The following ELAPOR1 variants were observed in gnomAD, a reference collection of about 807,000 sequenced individuals.
ELAPOR1 encodes endosome/lysosome-associated apoptosis and autophagy regulator 1.
A neutral mutation model predicts 119.7 loss-of-function variants in ELAPOR1; 77 were observed. The observed-to-expected ratio is 0.64, with a 90% CI of 0.54 to 0.78. The LOEUF (loss-of-function observed/expected upper bound fraction) is 0.78. ELAPOR1 is among the 30% of genes least tolerant of loss of function. The pLI, the probability that ELAPOR1 is intolerant of heterozygous loss-of-function variation, is 0.00. For missense variants in ELAPOR1, 1,115 were observed against 1,270.4 expected, an observed-to-expected ratio of 0.88 and a Z score of 1.86; for synonymous variants, 481 against 487.2, an observed-to-expected ratio of 0.99 and a Z score of 0.17.
intron 2 of ELAPOR1, among the ~76,000 whole-genome samples, chr1:109,162,748 A>G (rs1295798478): frequency 6.6e-6 from 1 of 152,258 alleles, no homozygotes; most frequent in East Asian, 1.9e-4. Flanking sequence ...AAGTGAGCAA[A>G]TAAATACTTG....
intron 1 of ELAPOR1, among the ~76,000 whole-genome samples, chr1:109,136,952 G>A (rs1230208621): frequency 2.0e-5 from 3 of 152,156 alleles, no homozygotes; most frequent in East Asian, 1.9e-4. Context: ...CCCCATATCC[G>A]TTGTGGAGGA....
At chr1:109,188,037 A>C (rs1486574035) in intron 8 of ELAPOR1, 140 bp from the exon 9 acceptor site, 1 of 1,427,876 alleles carries the variant, frequency 7.0e-7, no homozygotes, top group Non-Finnish European at 9.2e-7. Flanking sequence ...TCCGTGAGCC[A>C]CACAAAGTTC....
At chr1:109,188,980 T>A (rs1653245434) in intron 9 of ELAPOR1, 86 bp from the exon 10 acceptor site, 1 of 1,540,948 alleles carries the variant, frequency 6.5e-7, no homozygotes. Context: ...CCGCTACTGT[T>A]GCAACTTGTC....
intron 7 of ELAPOR1, among the ~76,000 whole-genome samples, chr1:109,180,104 T>C (rs1318416695): frequency 6.6e-6 from 1 of 152,140 alleles, no homozygotes; most frequent in Non-Finnish European, 1.5e-5. Context: ...CACAGGAGCA[T>C]TGTGAAGGAC....
intron 3 of ELAPOR1, among the ~76,000 whole-genome samples, chr1:109,171,628 A>G (rs1368706520): frequency 6.6e-6 from 1 of 152,008 alleles, no homozygotes; most frequent in Non-Finnish European, 1.5e-5. Context: ...ATGTGGAGGC[A>G]TGCCTGCTTG....
intron 15 of ELAPOR1, among the ~76,000 whole-genome samples, chr1:109,196,491 T>G (rs1570727726): frequency 6.6e-6 from 1 of 152,184 alleles, no homozygotes. Flanking sequence ...GTGGGGAATT[T>G]GGGGAAATGG....
chr1:109,186,025 A>G (rs1348387661), intron 8 of ELAPOR1, among the ~76,000 whole-genome samples: 1 of 152,022 alleles, frequency 6.6e-6, no homozygotes, highest in Non-Finnish European at 1.5e-5. Context: ...GAGAGATAAT[A>G]GACAACAAAT....
chr1:109,138,342 T>C (rs1050595006), intron 1 of ELAPOR1, among the ~76,000 whole-genome samples: 3 of 152,182 alleles, frequency 2.0e-5, no homozygotes, highest in Admixed American at 2.0e-4. Context: ...TTTTATTCGG[T>C]GTTTCCTTCA....
rs145712038 is a variant in ELAPOR1, at chr1:109,157,764, T to C, written c.154-4130T>C. ...TCCCTAGGACTCTCCTCCACCTGAA[T>C]TGTGGACCACATCTCTGTCATCAGC... On this transcript the variant is annotated intron_variant, in intron 1 of 21. Coordinates refer to ENST00000369939, the MANE Select transcript of ELAPOR1 (RefSeq NM_020775.5). Among the ~76,000 whole-genome samples, 248 of 152,330 alleles carry C rather than the reference T, an allele frequency of 1.6e-3. 4 individuals carry two copies. Among genetic ancestry groups the C allele is most frequent in the Non-Finnish European group, 2.3e-3 (157 of 68,018 alleles).
intron 3 of ELAPOR1, among the ~76,000 whole-genome samples, chr1:109,170,156 T>C (rs1651838905): frequency 6.6e-6 from 1 of 152,166 alleles, no homozygotes; most frequent in East Asian, 1.9e-4. Flanking sequence ...AGTATGTTGT[T>C]TAGAGATACA....
intron 1 of ELAPOR1, among the ~76,000 whole-genome samples, chr1:109,139,762 AT>A (rs1649710374): frequency 6.6e-6 from 1 of 152,018 alleles, no homozygotes; most frequent in Non-Finnish European, 1.5e-5. Flanking sequence ...TTATGTGTAT[AT>A]TTATAGCATT....
At chr1:109,124,150 C>T (rs930488371) in intron 1 of ELAPOR1, among the ~76,000 whole-genome samples, 1 of 152,156 alleles carries the variant, frequency 6.6e-6, no homozygotes, top group Admixed American at 6.5e-5. Context: ...CATGCTCTTT[C>T]ATAACCTACT....
chr1:109,166,912 A>AT (rs1282996921), intron 3 of ELAPOR1, among the ~76,000 whole-genome samples: 3 of 152,186 alleles, frequency 2.0e-5, no homozygotes, highest in Non-Finnish European at 4.4e-5. Flanking sequence ...ATTTCTAAAA[A>AT]CCGGGAGCAA....
At chr1:109,202,772 G>A (rs1318565933) in intron 21 of ELAPOR1, 172 bp from the exon 22 acceptor site, 1 of 717,882 alleles carries the variant, frequency 1.4e-6, no homozygotes, top group East Asian at 2.6e-5. Context: ...TTCTCCAACT[G>A]ACCCTGAAGG....
rs543804352 is a variant in ELAPOR1 at position 109,197,512 on chromosome 1, C to T, written c.2160C>T (p.Asp720=). Residue 720 remains aspartate, a synonymous_variant, in exon 16 of 22, where the codon GAC becomes GAT. Transcript: ENST00000369939. ...CTGTGTGCACCGACAATGTCACTGA[C>T]CTCCGGATTCCTGAGGGTGAGTCAG... The part of the protein sequence containing the change: ...KMSVCTDNVT[D]LRIPEGESGF... The T allele has an allele frequency of 1.9e-6, 3 of 1,614,172 alleles. No homozygotes were observed. The highest frequency in any genetic ancestry group is 1.3e-5 in the African/African-American group (1 of 75,042).
intron 16 of ELAPOR1, 136 bp from the exon 17 acceptor site, chr1:109,197,841 CTT>C: frequency 1.0e-6 from 1 of 990,946 alleles, no homozygotes; most frequent in South Asian, 1.5e-5. Context: ...CTGACAAACC[CTT>C]GTTTCACCCT....
chr1:109,181,877 A>AG (rs1652718840), intron 7 of ELAPOR1, among the ~76,000 whole-genome samples: 1 of 152,214 alleles, frequency 6.6e-6, no homozygotes, highest in Admixed American at 6.5e-5. Context: ...AGAACTTTCC[A>AG]GCTCAGGCCA....
chr1:109,142,955 A>AT (rs141688332), intron 1 of ELAPOR1, among the ~76,000 whole-genome samples: 3,769 of 146,244 alleles, frequency 0.026, 56 homozygotes, highest in Non-Finnish European at 0.036. Context: ...CATACAATGG[A>AT]TTTTTTTTTT....
rs150682941 is a variant in ELAPOR1 at position 109,136,573 on chromosome 1, G to A, written c.153+22237G>A. On this transcript the variant is annotated intron_variant, in intron 1 of 21. Coordinates refer to ENST00000369939, the MANE Select transcript of ELAPOR1 (RefSeq NM_020775.5). ...GAAAGACGAATGCAGGCACCGTGAG[G>A]TAGAACATCCCTCGCGAACAGGGCA... Among the ~76,000 whole-genome samples, 1,176 of 152,312 alleles carry A rather than the reference G, an allele frequency of 7.7e-3. 22 individuals are homozygous for A. The highest frequency in any genetic ancestry group is 0.027 in the African/African-American group (1,124 of 41,558).
Sources: gnomAD v4.1 joint callset for allele counts (sites outside exome capture counted in the v4.1 genomes callset) on GRCh38, gnomAD v4.1.1 for gene constraint, MANE v1.5 for transcripts, NCBI Gene and HGNC (gene_info 2026-07-23, HGNC 2026-07-21) for gene names.